MTREX: variants seen among roughly 807,000 people sequenced by gnomAD.
MTREX encodes exosome RNA helicase MTR4.
A neutral mutation model predicts 135.4 loss-of-function variants in MTREX; 76 were observed. The observed-to-expected ratio is 0.56, with a 90% CI of 0.47 to 0.68. MTREX has a LOEUF of 0.68. Among genes scored for constraint, MTREX ranks in the 30% least tolerant of loss-of-function variants. The pLI is 0.00. For synonymous variants in MTREX, 404 were observed against 401.6 expected, an observed-to-expected ratio of 1.01 and a Z score of -0.07; for missense variants, 920 against 1,262.1, an observed-to-expected ratio of 0.73 and a Z score of 4.11.
intron 5 of MTREX, among the ~76,000 whole-genome samples, chr5:55,332,043 A>G (rs1749485207): frequency 6.6e-6 from 1 of 152,104 alleles, no homozygotes; most frequent in African/African-American, 2.4e-5. Context: ...GTTCTTCTAA[A>G]ATATATTTAA....
chr5:55,376,941 C>T (rs1750312377), intron 16 of MTREX, among the ~76,000 whole-genome samples: 1 of 151,718 alleles, frequency 6.6e-6, no homozygotes, highest in Non-Finnish European at 1.5e-5. Context: ...CATGGTGTGG[C>T]ACGCCTATAA....
intron 18 of MTREX, among the ~76,000 whole-genome samples, chr5:55,383,927 G>A (rs1750437644): frequency 6.6e-6 from 1 of 152,052 alleles, no homozygotes; most frequent in African/African-American, 2.4e-5. Flanking sequence ...GCACCACCAT[G>A]CCTGGCTAAC....
chr5:55,309,972 G>A (rs1749083189), intron 1 of MTREX, among the ~76,000 whole-genome samples: 1 of 152,096 alleles, frequency 6.6e-6, no homozygotes, highest in South Asian at 2.1e-4. Flanking sequence ...AAGAAAGGAG[G>A]ACCAATTATT....
At chr5:55,344,384 A>G (rs2112061562) in intron 8 of MTREX, 138 bp from the exon 9 acceptor site, 2 of 606,756 alleles carry the variant, frequency 3.3e-6, no homozygotes, top group Non-Finnish European at 5.8e-6. Flanking sequence ...CCTGGGTTTT[A>G]GTGAATTTTT....
chr5:55,402,468 T>C (rs1750736769), intron 21 of MTREX, among the ~76,000 whole-genome samples: 1 of 152,164 alleles, frequency 6.6e-6, no homozygotes, highest in Admixed American at 6.5e-5. Context: ...AAAGCATCCT[T>C]GGAGGTGGTT....
At chr5:55,404,747 A>G (rs957212129) in intron 21 of MTREX, among the ~76,000 whole-genome samples, 1 of 150,698 alleles carries the variant, frequency 6.6e-6, no homozygotes, top group Non-Finnish European at 1.5e-5. Flanking sequence ...TCCTCCTTCT[A>G]GCCTTCCTCC....
At chr5:55,392,123 T>A (rs1750579134) in intron 19 of MTREX, among the ~76,000 whole-genome samples, 1 of 152,184 alleles carries the variant, frequency 6.6e-6, no homozygotes, top group South Asian at 2.1e-4. Context: ...CTGGTTTGTG[T>A]TGTCATTTCT....
At chr5:55,339,581 T>A (rs1255841095) in intron 5 of MTREX, among the ~76,000 whole-genome samples, 1 of 152,200 alleles carries the variant, frequency 6.6e-6, no homozygotes, top group African/African-American at 2.4e-5. Context: ...AACTGTTACA[T>A]GTGGGAAAAG....
chr5:55,321,296 T>C (rs1384580335), intron 1 of MTREX, among the ~76,000 whole-genome samples: 1 of 152,180 alleles, frequency 6.6e-6, no homozygotes, highest in African/African-American at 2.4e-5. Context: ...CTGTCATAAG[T>C]AATGGTGTTG....
At chr5:55,341,589 C>A in intron 6 of MTREX, 92 bp from the exon 7 acceptor site, 1 of 573,294 alleles carries the variant, frequency 1.7e-6, no homozygotes, top group South Asian at 2.8e-5. Context: ...TAAAGAATAT[C>A]CAAAATTCCT....
intron 17 of MTREX, 40 bp downstream of exon 17, chr5:55,378,526 A>G (rs1750343782): frequency 6.5e-7 from 1 of 1,535,778 alleles, no homozygotes; most frequent in Non-Finnish European, 8.7e-7. Flanking sequence ...GAATAATTCA[A>G]TATTTAAACA....
rs1751155814 is a variant in MTREX at position 55,425,422 on chromosome 5, T to TAAACA, written c.*654_*658dup. The TAAACA allele has an allele frequency of 8.1e-7, 1 of 1,236,926 alleles. No individual in the cohort carries two copies. The highest frequency in any genetic ancestry group is 2.4e-5 in the East Asian group (1 of 41,514). The allele number at this position is 1,236,926 out of a possible 1,614,324, so 76.6% of individuals were successfully genotyped here. A position where few individuals can be genotyped will look rare whatever the true frequency, so the allele number is the denominator to read the frequency against. ...GATCAACAGCATCCTAAGATAAATA[T>TAAACA]AAACAAAAGGATATACTTTGAGGTG... On this transcript the variant is annotated 3_prime_UTR_variant, in exon 27 of 27. Coordinates refer to ENST00000230640, the MANE Select transcript of MTREX (RefSeq NM_015360.5).
chr5:55,396,943 G>T (rs910596361), intron 19 of MTREX, among the ~76,000 whole-genome samples: 1 of 152,202 alleles, frequency 6.6e-6, no homozygotes, highest in South Asian at 2.1e-4. Context: ...GCAGATAGGT[G>T]TTCTTCAAGA....
At chr5:55,416,480 T>C (rs1455594108) in intron 25 of MTREX, among the ~76,000 whole-genome samples, 1 of 152,066 alleles carries the variant, frequency 6.6e-6, no homozygotes, top group Non-Finnish European at 1.5e-5. Context: ...ATAATTCCAC[T>C]AAAAATAGCA....
At chr5:55,419,753 A>G (rs962477601) in intron 25 of MTREX, among the ~76,000 whole-genome samples, 2 of 152,156 alleles carry the variant, frequency 1.3e-5, no homozygotes, top group African/African-American at 2.4e-5. Flanking sequence ...TCTTGAAACT[A>G]TTTACTGTAC....
chr5:55,366,435 AGCAGCCTT>A (rs111365485), intron 15 of MTREX, among the ~76,000 whole-genome samples: 67 of 152,240 alleles, frequency 4.4e-4, no homozygotes, highest in African/African-American at 1.5e-3. Flanking sequence ...GGCTGCAGTG[AGCAGCCTT>A]GCAGTGGGGG....
At chr5:55,388,177 T>C (rs1197454637) in intron 19 of MTREX, 75 bp downstream of exon 19, 5 of 1,336,916 alleles carry the variant, frequency 3.7e-6, no homozygotes, top group Non-Finnish European at 5.1e-6. Flanking sequence ...TTCTCCAATG[T>C]GATGGTAATG....
Position 55,309,093 on chromosome 5 carries a change from G to T in MTREX, c.134+946G>T, listed in dbSNP as rs145374384. 2.1e-3 allele frequency among the ~76,000 whole-genome samples: 322 copies of T among 152,218 alleles called. 2 individuals carry two copies. Among genetic ancestry groups the T allele is most frequent in the African/African-American group, 7.3e-3 (305 of 41,526 alleles). On this transcript the variant is annotated intron_variant, in intron 1 of 26. Coordinates refer to ENST00000230640, the MANE Select transcript of MTREX (RefSeq NM_015360.5). ...GATCCTATTTCTGACTTTCAGGAAG[G>T]CTTATTTATATACAAGAGAATATTC...
intron 25 of MTREX, among the ~76,000 whole-genome samples, chr5:55,420,463 A>C (rs921542011): frequency 2.6e-5 from 4 of 152,204 alleles, no homozygotes; most frequent in African/African-American, 4.8e-5. Context: ...TTGGTGCCAA[A>C]GTAATTGTGG....
Sources: gnomAD v4.1 joint callset for allele counts (sites outside exome capture counted in the v4.1 genomes callset) on GRCh38, gnomAD v4.1.1 for gene constraint, MANE v1.5 for transcripts, NCBI Gene and HGNC (gene_info 2026-07-23, HGNC 2026-07-21) for gene names.